The following GRM8 variants were observed in gnomAD, a reference collection of about 807,000 sequenced individuals.
GRM8 encodes metabotropic glutamate receptor 8.
A neutral mutation model predicts 87.2 loss-of-function variants in GRM8; 47 were observed. That is an observed-to-expected ratio of 0.54 (90% CI 0.43 to 0.69). The LOEUF (loss-of-function observed/expected upper bound fraction) is 0.69. Ranked by LOEUF, GRM8 falls within the 30% of genes least tolerant of loss-of-function variation. The pLI is 0.00. For missense variants in GRM8, 1,019 were observed against 1,139.2 expected (o/e 0.89, Z 1.52); for synonymous variants, 396 against 404.5 (o/e 0.98, Z 0.25).
intron 3 of GRM8, among the ~76,000 whole-genome samples, chr7:127,085,193 T>G (rs546610063): frequency 6.6e-6 from 1 of 152,338 alleles, no homozygotes; most frequent in Admixed American, 6.5e-5. Flanking sequence ...GTGCCACATT[T>G]TCTTAATCCA....
intron 2 of GRM8, among the ~76,000 whole-genome samples, chr7:127,160,125 T>C (rs1793006852): frequency 6.6e-6 from 1 of 151,934 alleles, no homozygotes; most frequent in Admixed American, 6.6e-5. Context: ...ACTAATCTAA[T>C]ACCACATAAA....
At position 126,879,540 on chromosome 7, in the gene GRM8, T is replaced by C. The variant is rs570913878; in HGVS notation, c.1156+23002A>G. 5.3e-5 allele frequency among the ~76,000 whole-genome samples: 8 copies of C among 152,304 alleles called. No homozygotes were observed. In the South Asian group the frequency reaches 8.3e-4, roughly 16 times the overall value. On this transcript the variant is annotated intron_variant, in intron 6 of 10. Transcript: ENST00000339582. ...TTTGGGAAATGTTTGAAAAAATTAA[T>C]TCTATTACCCTTATTTCCAGAATTT... is the stretch of plus-strand genomic sequence containing the variant.
chr7:126,946,882 C>A (rs768946227), intron 3 of GRM8, among the ~76,000 whole-genome samples: 24 of 152,178 alleles, frequency 1.6e-4, no homozygotes, highest in Non-Finnish European at 3.1e-4. Context: ...GAAAAGGTGA[C>A]CTGCTGATTC....
At chr7:126,502,816 A>G (rs1172212661) in intron 9 of GRM8, among the ~76,000 whole-genome samples, 2 of 152,064 alleles carry the variant, frequency 1.3e-5, no homozygotes, top group Non-Finnish European at 2.9e-5. Context: ...ACTCAGAGTT[A>G]AAAGAGTAGA....
At position 126,848,217 on chromosome 7, in the gene GRM8, A is replaced by T. The variant is rs938221704; in HGVS notation, c.1156+54325T>A. Among the ~76,000 whole-genome samples, 50 of 152,176 alleles carry T rather than the reference A, an allele frequency of 3.3e-4. 1 individual carries two copies. Among genetic ancestry groups the T allele is most frequent in the African/African-American group, 1.1e-3 (44 of 41,438 alleles). On this transcript the variant is annotated intron_variant, in intron 6 of 10. Coordinates refer to ENST00000339582, the MANE Select transcript of GRM8 (RefSeq NM_000845.3). ...GATTAATTTGGCTTAGAAAATTTTCAGTTGTTCTTGTGGAATGTTGAGGCA... is the reference window on the plus strand; with the variant it reads ...GATTAATTTGGCTTAGAAAATTTTCTGTTGTTCTTGTGGAATGTTGAGGCA...
intron 1 of GRM8, chr7:127,250,972 A>G (rs182721719): frequency 6.6e-6 from 1 of 152,302 alleles, no homozygotes; most frequent in Non-Finnish European, 1.5e-5. Context: ...CAGTTCTGTC[A>G]GTTGGCAGGA....
At chr7:126,884,136 T>C (rs1339226701) in intron 6 of GRM8, among the ~76,000 whole-genome samples, 2 of 152,094 alleles carry the variant, frequency 1.3e-5, no homozygotes, top group Admixed American at 1.3e-4. Flanking sequence ...GTTAACACTA[T>C]GGTGTAAATC....
intron 2 of GRM8, among the ~76,000 whole-genome samples, chr7:127,158,227 G>A (rs910415390): frequency 6.6e-6 from 1 of 152,126 alleles, no homozygotes; most frequent in Non-Finnish European, 1.5e-5. Flanking sequence ...ACACCATTGA[G>A]ACCAGGTCAG....
intron 3 of GRM8, among the ~76,000 whole-genome samples, chr7:127,103,208 T>C (rs546964027): frequency 6.6e-6 from 1 of 152,278 alleles, no homozygotes; most frequent in East Asian, 1.9e-4. Context: ...GAAAAGGACA[T>C]GAGATTTGAG....
intron 7 of GRM8, among the ~76,000 whole-genome samples, chr7:126,757,628 T>G (rs1297679761): frequency 2.6e-5 from 4 of 152,150 alleles, no homozygotes; most frequent in Non-Finnish European, 5.9e-5. Context: ...CTTATCTCTG[T>G]TCTGTGAGCA....
At chr7:126,973,929 T>C (rs937390839) in intron 3 of GRM8, among the ~76,000 whole-genome samples, 5 of 152,170 alleles carry the variant, frequency 3.3e-5, no homozygotes, top group African/African-American at 2.4e-5. Flanking sequence ...ATGAGGATTA[T>C]GTAGGTTGAG....
intron 7 of GRM8, among the ~76,000 whole-genome samples, chr7:126,764,524 G>C (rs1225182557): frequency 6.6e-6 from 1 of 151,956 alleles, no homozygotes; most frequent in Non-Finnish European, 1.5e-5. Context: ...TTCAAAATCA[G>C]ACTATAGTGT....
chr7:127,065,416 A>G (rs1821010308), intron 3 of GRM8, among the ~76,000 whole-genome samples: 2 of 152,216 alleles, frequency 1.3e-5, no homozygotes, highest in African/African-American at 2.4e-5. Context: ...ACTACTGGGT[A>G]CTGGGCTTAA....
In GRM8 at chr7:126,450,477, C is replaced by T. The variant is rs368522820; in HGVS notation, c.2431-4105G>A. 5.9e-4 allele frequency among the ~76,000 whole-genome samples: 90 copies of T among 152,022 alleles called. 1 individual carries two copies. The highest frequency in any genetic ancestry group is 2.0e-3 in the African/African-American group (85 of 41,542). ...TACCGTTTGACCAGCTAGAAAGCTACACTAACACTGACAGCCTGTATTTCT... is the reference window on the plus strand; with the variant it reads ...TACCGTTTGACCAGCTAGAAAGCTATACTAACACTGACAGCCTGTATTTCT... On this transcript the variant is annotated intron_variant, in intron 9 of 10. Transcript: ENST00000339582.
At chr7:126,440,436 T>G (rs1009174185) in intron 10 of GRM8, among the ~76,000 whole-genome samples, 124 of 146,004 alleles carry the variant, frequency 8.5e-4, no homozygotes, top group African/African-American at 3.0e-3. Context: ...AAAAAAAAAT[T>G]TACAGTACTG....
chr7:126,718,485 T>C (rs1198433627), intron 7 of GRM8, among the ~76,000 whole-genome samples: 1 of 152,150 alleles, frequency 6.6e-6, no homozygotes, highest in Non-Finnish European at 1.5e-5. Context: ...AGTGATGAGC[T>C]TTTGTCTCCC....
intron 3 of GRM8, among the ~76,000 whole-genome samples, chr7:127,002,781 G>A (rs1161470949): frequency 2.0e-5 from 3 of 151,692 alleles, no homozygotes; most frequent in Non-Finnish European, 4.4e-5. Flanking sequence ...CCAAGTGATG[G>A]TGTATATATT....
intron 2 of GRM8, among the ~76,000 whole-genome samples, chr7:127,217,745 G>A (rs191483728): frequency 5.9e-5 from 9 of 152,332 alleles, no homozygotes; most frequent in Non-Finnish European, 1.0e-4. Context: ...TACTGGAACT[G>A]TAAAACATAT....
intron 8 of GRM8, among the ~76,000 whole-genome samples, chr7:126,566,119 T>C (rs777490550): frequency 5.3e-5 from 8 of 152,176 alleles, no homozygotes; most frequent in Non-Finnish European, 8.8e-5. Flanking sequence ...ATGACATTCA[T>C]CTAGGCAATG....
Sources: allele counts gnomAD v4.1 joint callset (sites outside exome capture counted in the v4.1 genomes callset), GRCh38; gene constraint gnomAD v4.1.1; transcripts MANE v1.5; gene names NCBI Gene and HGNC (gene_info 2026-07-23, HGNC 2026-07-21).